MRE11: variants seen among roughly 807,000 people sequenced by gnomAD.
The protein encoded by MRE11 is double-strand break repair protein MRE11.
In MRE11, 62 loss-of-function variants were observed where a neutral mutation model predicts 91.7. The ratio of observed to expected loss-of-function variants is 0.68; its 90% CI spans 0.55 to 0.84. The LOEUF is 0.84. Among genes scored for constraint, MRE11 ranks in the 40% least tolerant of loss-of-function variants. MRE11 has a pLI of 0.00. For missense variants in MRE11, 796 were observed against 852.9 expected (o/e 0.93, Z 0.83); for synonymous variants, 273 against 271.4 (o/e 1.01, Z -0.06).
At chr11:94,488,039 A>T (rs512150) in intron 3 of MRE11, among the ~76,000 whole-genome samples, 37,123 of 152,120 alleles carry the variant, frequency 0.24, 4,846 homozygotes, top group Middle Eastern at 0.32. Flanking sequence ...AGAAGTCCCT[A>T]CCTGGGGTTA....
chr11:94,485,148 G>A (rs1423250323), intron 4 of MRE11, among the ~76,000 whole-genome samples: 1 of 152,010 alleles, frequency 6.6e-6, no homozygotes, highest in African/African-American at 2.4e-5. Flanking sequence ...AGCTACTCAG[G>A]AGGCTAAGGC....
At position 94,478,729 on chromosome 11, in the gene MRE11, T is replaced by C. The variant is rs1448860482; in HGVS notation, c.544+6A>G. ...GGACATAAACAGTAAAATAAAACTG[T>C]CTTACCTAAACCATATAGCGCAATC... On this transcript the variant is annotated splice_donor_region_variant and intron_variant, in intron 6 of 19. Transcript: ENST00000323929. 6.2e-7 allele frequency: 1 copy of C among 1,611,850 alleles called. No homozygotes were observed. The highest frequency in any genetic ancestry group is 8.5e-7 in the Non-Finnish European group (1 of 1,179,660).
At position 94,492,935 on chromosome 11, in the gene MRE11, A is replaced by AT. The variant is rs561968430; in HGVS notation, c.-105-30dup. 4.1e-5 allele frequency: 33 copies of AT among 813,892 alleles called. No homozygotes were observed. In the East Asian group the frequency reaches 7.5e-4, roughly 19 times the overall value. 50.4% of individuals were successfully genotyped at this position (813,892 alleles called of 1,614,324 possible). On this transcript the variant is annotated intron_variant, in intron 1 of 19. Transcript: ENST00000323929. ...AAAACAAAATTACATCATAAAACAC[A>AT]TTTTTTAAAAGCCTGCACGTATTTA...
chr11:94,478,749 G>A lies in MRE11; in HGVS notation c.530C>T (p.Ala177Val), dbSNP rs773766504. Reference sequence around the variant, plus strand: ...AACTGTCTTACCTAAACCATATAGCGCAATCTTTGTGCTTCCTTTTTGAAG... The same window carrying A: ...AACTGTCTTACCTAAACCATATAGCACAATCTTTGTGCTTCCTTTTTGAAG... ...VLLQKGSTKI[A>V]LYGLGSIPDE... Residue 177 changes from alanine (A) to valine (V), a missense_variant, in exon 6 of 20, where the codon GCG becomes GTG. Coordinates refer to ENST00000323929, the MANE Select transcript of MRE11 (RefSeq NM_005591.4). The A allele has an allele frequency of 2.0e-5, 33 of 1,612,408 alleles. No homozygotes were observed. The highest frequency in any genetic ancestry group is 2.6e-5 in the Non-Finnish European group (31 of 1,179,746).
intron 10 of MRE11, among the ~76,000 whole-genome samples, chr11:94,465,536 C>T (rs1946540377): frequency 6.6e-6 from 1 of 151,792 alleles, no homozygotes; most frequent in African/African-American, 2.4e-5. Flanking sequence ...GTTGGGATTA[C>T]AGGCATGCAC....
chr11:94,462,825 C>T (rs1946456361), intron 11 of MRE11, among the ~76,000 whole-genome samples: 1 of 152,162 alleles, frequency 6.6e-6, no homozygotes, highest in Non-Finnish European at 1.5e-5. Context: ...ACCACAAAAA[C>T]CCTAGAAGAA....
chr11:94,501,146 T>C, the MRE11 span, among the ~76,000 whole-genome samples: 1 of 152,242 alleles, frequency 6.6e-6, no homozygotes, highest in African/African-American at 2.4e-5. Context: ...CTATCTTTAT[T>C]AAGTTCAGAA....
Position 94,419,906 on chromosome 11 carries a change from T to C in MRE11, c.*219A>G. 2.8e-6 allele frequency: 1 copy of C among 353,394 alleles called. No homozygotes were observed. Among genetic ancestry groups the C allele is most frequent in the Non-Finnish European group, 5.2e-6 (1 of 193,336 alleles). 21.9% of individuals were successfully genotyped at this position (353,394 alleles called of 1,614,324 possible). A position where few individuals can be genotyped will look rare whatever the true frequency, so the allele number is the denominator to read the frequency against. On this transcript the variant is annotated 3_prime_UTR_variant, in exon 20 of 20. Coordinates refer to ENST00000323929, the MANE Select transcript of MRE11 (RefSeq NM_005591.4). Reference sequence around the variant, plus strand: ...ATGTAAAATGGTAGCTTTATTTTAATCTTTACTCAAGAGTGATATTGAAAC... The same window carrying C: ...ATGTAAAATGGTAGCTTTATTTTAACCTTTACTCAAGAGTGATATTGAAAC...
intron 10 of MRE11, chr11:94,466,510 C>T (rs984919443): frequency 3.4e-5 from 18 of 531,580 alleles, no homozygotes; most frequent in Admixed American, 2.3e-4. Flanking sequence ...TTGGTTGGTG[C>T]ACAAGTAACT....
chr11:94,464,352 T>A, intron 10 of MRE11, 113 bp from the exon 11 acceptor site: 1 of 1,393,548 alleles, frequency 7.2e-7, no homozygotes, highest in Non-Finnish European at 1.0e-6. Flanking sequence ...TTGAAATTTA[T>A]GAATTAATTT....
Position 94,435,830 on chromosome 11 carries a change from A to C in MRE11, c.1994+2T>G. On this transcript the variant is annotated splice_donor_variant, in intron 18 of 19. Coordinates refer to ENST00000323929, the MANE Select transcript of MRE11 (RefSeq NM_005591.4). LOFTEE classifies it high-confidence loss of function. ...TCTTTTGCAGAAAATCACTGCACCTACCTTTGATCTGTCTTTGAAGTGGTA... is the reference window on the plus strand; with the variant it reads ...TCTTTTGCAGAAAATCACTGCACCTCCCTTTGATCTGTCTTTGAAGTGGTA... 6.2e-7 allele frequency: 1 copy of C among 1,611,692 alleles called. No homozygotes were observed. The highest frequency in any genetic ancestry group is 8.5e-7 in the Non-Finnish European group (1 of 1,178,104).
intron 18 of MRE11, among the ~76,000 whole-genome samples, chr11:94,435,260 A>C (rs1042666430): frequency 3.3e-5 from 5 of 152,230 alleles, no homozygotes; most frequent in African/African-American, 1.2e-4. Flanking sequence ...TCTTCCATTA[A>C]GAAAAGCACT....
rs1282366712 is a variant in MRE11, at chr11:94,420,170, A to G, written c.2082T>C (p.Asp694=). 3 of 1,583,186 alleles carry G rather than the reference A, an allele frequency of 1.9e-6. No individual in the cohort carries two copies. Among genetic ancestry groups the G allele is most frequent in the Non-Finnish European group, 2.6e-6 (3 of 1,159,170 alleles). The part of the protein sequence containing the change: ...VDFESSEDDD[D]DPFMNTSSLR... ...AAGAACTAGTGTTCATAAAAGGATC[A>G]TCATCATCATCCTGAAATGAGATAC... The change falls in exon 20 of 20, where the codon GAT becomes GAC. Residue 694 remains aspartate, a synonymous_variant. Transcript: ENST00000323929.
In MRE11 at chr11:94,459,263, C is replaced by T. The variant is rs552604079; in HGVS notation, c.1500+145G>A. 1.5e-5 allele frequency: 13 copies of T among 875,822 alleles called. No individual in the cohort carries two copies. The African/African-American group carries it at 1.9e-4, about 13-fold the overall frequency. 54.3% of individuals were successfully genotyped at this position (875,822 alleles called of 1,614,324 possible). On this transcript the variant is annotated intron_variant, in intron 13 of 19. Transcript: ENST00000323929. ...CATTTTCTACATTTTCTAATTTAAC[C>T]TTCATTTTATCATTTCAATTTTATA...
intron 17 of MRE11, 88 bp downstream of exon 17, chr11:94,437,086 CTTT>C: frequency 8.6e-7 from 1 of 1,159,862 alleles, no homozygotes. Flanking sequence ...AATTTTTCTT[CTTT>C]TATTTACTTT....
intron 14 of MRE11, among the ~76,000 whole-genome samples, chr11:94,450,637 AAAACG>A (rs1323972808): frequency 1.3e-5 from 2 of 152,174 alleles, no homozygotes; most frequent in African/African-American, 2.4e-5. Context: ...ACTATAAAAC[AAAACG>A]AAAGTTGCAG....
the MRE11 span, among the ~76,000 whole-genome samples, chr11:94,501,850 A>G: frequency 4.6e-5 from 7 of 152,334 alleles, no homozygotes; most frequent in African/African-American, 1.7e-4. Context: ...TGTAAAAATC[A>G]TATGGTGTTA....
chr11:94,456,743 C>T (rs1565218391), intron 13 of MRE11, among the ~76,000 whole-genome samples: 1 of 152,130 alleles, frequency 6.6e-6, no homozygotes, highest in Non-Finnish European at 1.5e-5. Context: ...ATCCAGGAGG[C>T]TCTGTGAAAT....
chr11:94,460,794 A>C (rs996601700), intron 12 of MRE11, 142 bp downstream of exon 12: 2 of 719,222 alleles, frequency 2.8e-6, no homozygotes, highest in Non-Finnish European at 4.8e-6. Flanking sequence ...CTGCAAATGA[A>C]TGTAATTAAT....
Sources: gnomAD v4.1 joint callset for allele counts (sites outside exome capture counted in the v4.1 genomes callset) on GRCh38, gnomAD v4.1.1 for gene constraint, MANE v1.5 for transcripts, NCBI Gene and HGNC (gene_info 2026-07-23, HGNC 2026-07-21) for gene names.